Variants in SCML4 observed in about 807,000 individuals in gnomAD.
SCML4 encodes Scm polycomb group protein like 4, also known as sex comb on midleg-like protein 4.
SCML4 carries 34 observed loss-of-function variants against 41.1 expected under a neutral mutation model. That is an observed-to-expected ratio of 0.83 (90% CI 0.63 to 1.10). The LOEUF is 1.10. Among genes scored for constraint, SCML4 ranks in the 50% least tolerant of loss-of-function variants. The pLI is 0.00. For synonymous variants in SCML4, 214 were observed against 220.9 expected, an observed-to-expected ratio of 0.97 and a Z score of 0.28; for missense variants, 522 against 534.1, an observed-to-expected ratio of 0.98 and a Z score of 0.22.
At chr6:107,781,127 A>G (rs1781455149) in intron 1 of SCML4, among the ~76,000 whole-genome samples, 1 of 152,144 alleles carries the variant, frequency 6.6e-6, no homozygotes. Context: ...TGATATGCAC[A>G]GTCTAAACAG....
In SCML4 at chr6:107,746,792, C is replaced by T. The variant is rs1482189539; in HGVS notation, c.384G>A (p.Ser128=). 2 of 1,614,112 alleles carry T rather than the reference C, an allele frequency of 1.2e-6. No individual in the cohort carries two copies. Among genetic ancestry groups the T allele is most frequent in the Non-Finnish European group, 1.7e-6 (2 of 1,179,998 alleles). Residue 128 remains serine (S), a synonymous_variant, in exon 4 of 8, where the codon TCG becomes TCA. Transcript: ENST00000369020. The stretch of plus-strand genomic sequence containing the variant: ...CTTGGACGGCCTGCTGCAGCACCGC[C>T]GATGGCCGCTCGGGCCCAAAATGCT... The part of the protein sequence containing the change: ...LPEHFGPERP[S]AVLQQAVQAC...
At chr6:107,722,805 G>A (rs1305012457) in intron 5 of SCML4, among the ~76,000 whole-genome samples, 2 of 151,922 alleles carry the variant, frequency 1.3e-5, no homozygotes, top group Non-Finnish European at 2.9e-5. Flanking sequence ...AGTGGCTAGA[G>A]GTAAATTTAC....
At position 107,707,932 on chromosome 6, in the gene SCML4, C is replaced by T. The variant is rs1475834567; in HGVS notation, c.1053G>A (p.Val351=). The T allele has an allele frequency of 2.6e-6, 4 of 1,551,678 alleles. No individual in the cohort carries two copies. The highest frequency in any genetic ancestry group is 2.4e-5 in the East Asian group (1 of 40,910). Residue 351 remains valine (V), a synonymous_variant, in exon 7 of 8, where the codon GTG becomes GTA. Coordinates refer to ENST00000369020, the MANE Select transcript of SCML4 (RefSeq NM_198081.5). The part of the protein sequence containing the change: ...RNPSAWTVED[V]VWFVKDADPQ... ...GGTCGGCGTCCTTCACAAACCACACCACGTCCTCCACAGTCCAGGCGGAGG... is the reference window on the plus strand; with the variant it reads ...GGTCGGCGTCCTTCACAAACCACACTACGTCCTCCACAGTCCAGGCGGAGG...
chr6:107,772,001 A>C (rs1375202442), intron 2 of SCML4, among the ~76,000 whole-genome samples, 171 bp downstream of exon 2: 1 of 152,162 alleles, frequency 6.6e-6, no homozygotes, highest in African/African-American at 2.4e-5. Flanking sequence ...CATTATGGCC[A>C]TGTTGTAACA....
chr6:107,749,750 C>G lies in SCML4; in HGVS notation c.220G>C (p.Asp74His), dbSNP rs775844019. ...LSPPRSTPEP[D>H]LSSIPQDAAT... Reference sequence around the variant, plus strand: ...GCGTCCTGAGGGATGGAGCTGAGGTCGGGCTCTGGGGTACTCCGCGGAGGT... The same window carrying G: ...GCGTCCTGAGGGATGGAGCTGAGGTGGGGCTCTGGGGTACTCCGCGGAGGT... Residue 74 changes from aspartate to histidine, a missense_variant, in exon 3 of 8, where the codon GAC (aspartate) becomes CAC (histidine). Asp to His is a moderately conservative substitution (Grantham distance 81). Coordinates refer to ENST00000369020, the MANE Select transcript of SCML4 (RefSeq NM_198081.5). The G allele has an allele frequency of 6.8e-6, 11 of 1,613,804 alleles. No individual in the cohort carries two copies. The highest frequency in any genetic ancestry group is 1.1e-5 in the South Asian group (1 of 91,052).
At chr6:107,757,145 T>A (rs928690895) in intron 2 of SCML4, among the ~76,000 whole-genome samples, 7 of 152,214 alleles carry the variant, frequency 4.6e-5, no homozygotes, top group Non-Finnish European at 1.0e-4. Flanking sequence ...AGCTCATCTT[T>A]CTTTTCCATT....
At chr6:107,789,777 C>A (rs1441796130) in intron 1 of SCML4, among the ~76,000 whole-genome samples, 1 of 152,254 alleles carries the variant, frequency 6.6e-6, no homozygotes, top group Non-Finnish European at 1.5e-5. Context: ...TCTCCCCTCA[C>A]ACTCATGTCC....
At chr6:107,729,284 G>C (rs1200266053) in intron 5 of SCML4, among the ~76,000 whole-genome samples, 1 of 152,142 alleles carries the variant, frequency 6.6e-6, no homozygotes, top group East Asian at 1.9e-4. Flanking sequence ...AATCCCTCCT[G>C]GCCTCTTTCT....
chr6:107,755,095 C>T (rs1445207545), intron 2 of SCML4, among the ~76,000 whole-genome samples: 1 of 151,224 alleles, frequency 6.6e-6, no homozygotes, highest in Non-Finnish European at 1.5e-5. Context: ...CAGAGACAGA[C>T]CCTGTCTCAA....
chr6:107,773,756 T>C (rs1457377108), intron 1 of SCML4, among the ~76,000 whole-genome samples: 1 of 152,174 alleles, frequency 6.6e-6, no homozygotes, highest in Non-Finnish European at 1.5e-5. Flanking sequence ...GGCAGAACTT[T>C]AGACTTTGAT....
In SCML4 at chr6:107,702,419, G is replaced by A. The variant is rs1004272697; in HGVS notation, c.*2781C>T. On this transcript the variant is annotated 3_prime_UTR_variant, in exon 8 of 8. Transcript: ENST00000369020. ...TTTATTTGAGAGCACCAATGTTTGT[G>A]ACTCTGTAGTGAAGGAGGCACTGAT... 6.6e-6 allele frequency among the ~76,000 whole-genome samples: 1 copy of A among 152,168 alleles called. No homozygotes were observed. Among genetic ancestry groups the A allele is most frequent in the Non-Finnish European group, 1.5e-5 (1 of 68,034 alleles).
At chr6:107,789,980 G>A (rs1221106999) in intron 1 of SCML4, among the ~76,000 whole-genome samples, 1 of 152,242 alleles carries the variant, frequency 6.6e-6, no homozygotes, top group East Asian at 1.9e-4. Flanking sequence ...TATAGATGGA[G>A]AGTCTGTCAA....
intron 1 of SCML4, among the ~76,000 whole-genome samples, chr6:107,782,777 CAGGTGCTGGTCTGAGTTTGCCTGATGGG>C (rs1253585547): frequency 1.1e-4 from 17 of 149,112 alleles, no homozygotes; most frequent in South Asian, 2.2e-4. Context: ...AGCCAGATGG[CAGGTGCTGGTCTGAGTTTGCCTGATGGG>C]AGGTGCTGGT....
In SCML4 at chr6:107,746,752, C is replaced by T. The variant is rs772784470; in HGVS notation, c.424G>A (p.Ala142Thr). Residue 142 changes from alanine (A) to threonine (T), a missense_variant, in exon 4 of 8, where the codon GCC becomes ACC. Physicochemically the swap from Ala to Thr is moderately conservative, Grantham distance 58. Coordinates refer to ENST00000369020, the MANE Select transcript of SCML4 (RefSeq NM_198081.5). ...GAGAAGACCAGCTTCTGCTGGTGGG[C>T]GCAGTCGATGCAGGCTTGGACGGCC... is the stretch of plus-strand genomic sequence containing the variant. ...QQAVQACIDC[A>T]HQQKLVFSLV... The T allele has an allele frequency of 1.2e-5, 19 of 1,614,020 alleles. No homozygotes were observed. Among genetic ancestry groups the T allele is most frequent in the South Asian group, 3.3e-5 (3 of 91,078 alleles).
chr6:107,740,921 T>C (rs1000934799), intron 5 of SCML4, among the ~76,000 whole-genome samples: 3 of 152,066 alleles, frequency 2.0e-5, no homozygotes, highest in Non-Finnish European at 4.4e-5. Flanking sequence ...CCATCCACTG[T>C]GAAGGGGATC....
intron 2 of SCML4, among the ~76,000 whole-genome samples, chr6:107,767,172 G>T (rs1442482149): frequency 6.6e-6 from 1 of 152,050 alleles, no homozygotes; most frequent in Middle Eastern, 3.4e-3. Flanking sequence ...TGTCCAGGGT[G>T]GTCTCGATCT....
chr6:107,845,822 C>T, the SCML4 span, among the ~76,000 whole-genome samples: 3 of 152,204 alleles, frequency 2.0e-5, no homozygotes, highest in African/African-American at 4.8e-5. Flanking sequence ...ACATTTTTAC[C>T]TCGTATCTTC....
intron 5 of SCML4, among the ~76,000 whole-genome samples, chr6:107,741,965 G>C (rs945430604): frequency 6.6e-6 from 1 of 152,226 alleles, no homozygotes; most frequent in Non-Finnish European, 1.5e-5. Context: ...CTAATAAGAT[G>C]GTAACACGTG....
At chr6:107,740,469 C>T (rs1222031620) in intron 5 of SCML4, among the ~76,000 whole-genome samples, 2 of 152,294 alleles carry the variant, frequency 1.3e-5, no homozygotes, top group East Asian at 1.9e-4. Flanking sequence ...TAAAAGATGG[C>T]CCTTGGCTGG....
Sources: allele counts gnomAD v4.1 joint callset (sites outside exome capture counted in the v4.1 genomes callset), GRCh38; gene constraint gnomAD v4.1.1; transcripts MANE v1.5; gene names NCBI Gene and HGNC (gene_info 2026-07-23, HGNC 2026-07-21).